MED27: variants seen among roughly 807,000 people sequenced by gnomAD.
MED27 encodes the protein mediator complex subunit 27.
Under a neutral mutation model 38.2 loss-of-function variants are expected in MED27, and 30 were observed. The ratio of observed to expected loss-of-function variants is 0.79; its 90% CI spans 0.59 to 1.07. The LOEUF (loss-of-function observed/expected upper bound fraction) is 1.07. Among genes scored for constraint, MED27 ranks in the 50% least tolerant of loss-of-function variants. The pLI, the probability that MED27 is intolerant of heterozygous loss-of-function variation, is 0.00. For synonymous variants in MED27, 122 were observed against 153.5 expected (o/e 0.79, Z 1.52); for missense variants, 289 against 397.5 (o/e 0.73, Z 2.32).
chr9:131,932,372 A>G (rs1830606047), intron 4 of MED27, among the ~76,000 whole-genome samples: 1 of 79,538 alleles, frequency 1.3e-5, no homozygotes, highest in Non-Finnish European at 2.6e-5. Flanking sequence ...CTTTAGCCAG[A>G]CTAATTAGGG....
rs1832109822 is a variant in MED27, at chr9:131,997,197, C to T, written c.479+17140G>A. On this transcript the variant is annotated intron_variant, in intron 3 of 7. Transcript: ENST00000292035. The surrounding 1 kb of genome is among the most constrained non-coding windows in gnomAD (Gnocchi z 4.0). ...CCGCTTCCGGAGAATAAAGAATTAACTTCCAGCATGCTGGAGCTTAGCCAT... is the reference window on the plus strand; with the variant it reads ...CCGCTTCCGGAGAATAAAGAATTAATTTCCAGCATGCTGGAGCTTAGCCAT... 6.6e-6 allele frequency among the ~76,000 whole-genome samples: 1 copy of T among 152,110 alleles called. No homozygotes were observed. The highest frequency in any genetic ancestry group is 2.1e-4 in the South Asian group (1 of 4,822).
In MED27 at chr9:131,880,195, C is replaced by CT. The variant is rs950676842; in HGVS notation, c.723+3862dup. On this transcript the variant is annotated intron_variant, in intron 6 of 7. Coordinates refer to ENST00000292035, the MANE Select transcript of MED27 (RefSeq NM_004269.4). ...ACAAGCTCAGTGATACAGAAACAGG[C>CT]TTTTTTTTTTTCTAACAAGATCCCA... Among the ~76,000 whole-genome samples, 1,230 of 148,002 alleles carry CT rather than the reference C, an allele frequency of 8.3e-3. 5 individuals carry two copies. Among genetic ancestry groups the CT allele is most frequent in the Admixed American group, 0.012 (172 of 14,818 alleles).
rs988000954 is a variant in MED27, at chr9:131,889,390, AT to A, written c.681+4494del. Among the ~76,000 whole-genome samples, 21 of 151,542 alleles carry A rather than the reference AT, an allele frequency of 1.4e-4. No individual in the cohort carries two copies. The highest frequency in any genetic ancestry group is 9.9e-4 in the Admixed American group (15 of 15,212). ...AAAAAGTTAAATTCGAACGAGACAC[AT>A]TTTTTTTTCAGTTAAGTCTGACTGG... On this transcript the variant is annotated intron_variant, in intron 5 of 7. Coordinates refer to ENST00000292035, the MANE Select transcript of MED27 (RefSeq NM_004269.4). The surrounding 1 kb of genome is among the most constrained non-coding windows in gnomAD (Gnocchi z 4.2).
chr9:131,949,939 T>G (rs966567825), intron 3 of MED27, among the ~76,000 whole-genome samples: 15 of 152,072 alleles, frequency 9.9e-5, no homozygotes, highest in African/African-American at 3.1e-4. Flanking sequence ...AATACTTGCT[T>G]TGCATTTTAT....
chr9:131,936,143 A>T (rs9411421), intron 4 of MED27, among the ~76,000 whole-genome samples: 46,305 of 150,596 alleles, frequency 0.31, 7,825 homozygotes, highest in Middle Eastern at 0.41. Flanking sequence ...AAAAAAAAAA[A>T]AAAAAAAGAA....
At chr9:132,013,454 C>G (rs1254808211) in intron 3 of MED27, among the ~76,000 whole-genome samples, 1 of 152,150 alleles carries the variant, frequency 6.6e-6, no homozygotes, top group African/African-American at 2.4e-5. Context: ...TGAGGAGGAA[C>G]CCTTATGGGA....
At chr9:131,936,887 G>A (rs1318036953) in intron 4 of MED27, among the ~76,000 whole-genome samples, 1 of 152,202 alleles carries the variant, frequency 6.6e-6, no homozygotes, top group African/African-American at 2.4e-5. Context: ...TACATTTGCC[G>A]AGGGAGGTAA....
intron 3 of MED27, among the ~76,000 whole-genome samples, chr9:131,960,671 A>G (rs1831196554): frequency 6.6e-6 from 1 of 152,190 alleles, no homozygotes; most frequent in Non-Finnish European, 1.5e-5. Flanking sequence ...TACCAACATG[A>G]ATAATAATGA....
At chr9:131,989,179 T>C (rs1173647145) in intron 3 of MED27, among the ~76,000 whole-genome samples, 1 of 152,184 alleles carries the variant, frequency 6.6e-6, no homozygotes, top group Non-Finnish European at 1.5e-5. Context: ...TATTTGTAGA[T>C]GAAGAAACTA....
chr9:131,884,423 G>A (rs1839102153), intron 5 of MED27, among the ~76,000 whole-genome samples: 1 of 152,102 alleles, frequency 6.6e-6, no homozygotes, highest in Non-Finnish European at 1.5e-5. Flanking sequence ...TCAATGCCAA[G>A]GTCAATGCTG....
rs1039134138 is a variant in MED27, at chr9:132,013,486, G to A, written c.479+851C>T. Among the ~76,000 whole-genome samples, 14 of 152,332 alleles carry A rather than the reference G, an allele frequency of 9.2e-5. 1 individual carries two copies. Among genetic ancestry groups the A allele is most frequent in the African/African-American group, 2.9e-4 (12 of 41,578 alleles). On this transcript the variant is annotated intron_variant, in intron 3 of 7. Transcript: ENST00000292035. ...GGGATTCTGGAAGTGGTGGCTACACGGATGTACATGAGTGTGAAAAAATCA... is the reference window on the plus strand; with the variant it reads ...GGGATTCTGGAAGTGGTGGCTACACAGATGTACATGAGTGTGAAAAAATCA...
intron 2 of MED27, among the ~76,000 whole-genome samples, chr9:132,022,026 A>T (rs1207910233): frequency 6.6e-6 from 1 of 152,246 alleles, no homozygotes; most frequent in Non-Finnish European, 1.5e-5. Context: ...ACTAAGACAC[A>T]TGGCCACTTA....
chr9:131,939,585 C>T (rs907477508), intron 3 of MED27, 111 bp from the exon 4 acceptor site: 2 of 590,962 alleles, frequency 3.4e-6, no homozygotes, highest in African/African-American at 3.9e-5. Context: ...CAATATAACA[C>T]ATTTTTAAGA....
chr9:131,929,043 G>A (rs1232528303), intron 4 of MED27, among the ~76,000 whole-genome samples: 1 of 152,222 alleles, frequency 6.6e-6, no homozygotes, highest in Non-Finnish European at 1.5e-5. Flanking sequence ...GCCACAACAG[G>A]ATAGGGCACC....
At chr9:131,994,889 A>G (rs764987252) in intron 3 of MED27, among the ~76,000 whole-genome samples, 3 of 152,144 alleles carry the variant, frequency 2.0e-5, no homozygotes, top group African/African-American at 4.8e-5. Flanking sequence ...GGAAGTGTCC[A>G]AGCTTGGTTT....
At chr9:132,027,984 T>C (rs1326329366) in intron 2 of MED27, among the ~76,000 whole-genome samples, 3 of 152,154 alleles carry the variant, frequency 2.0e-5, no homozygotes, top group Non-Finnish European at 2.9e-5. Context: ...TAGGTGCCCA[T>C]CTCTGATCTG....
chr9:131,984,122 C>T (rs10117497), intron 3 of MED27, among the ~76,000 whole-genome samples: 1 of 152,148 alleles, frequency 6.6e-6, no homozygotes, highest in Non-Finnish European at 1.5e-5. Flanking sequence ...ACTCCCTCCC[C>T]ACATTTGCTC....
At chr9:131,877,148 C>G (rs1192590582) in intron 6 of MED27, among the ~76,000 whole-genome samples, 2 of 152,210 alleles carry the variant, frequency 1.3e-5, no homozygotes, top group African/African-American at 4.8e-5. Context: ...GGACTGAGAT[C>G]TGGCCTGAGG....
At chr9:131,916,498 T>C (rs950461772) in intron 4 of MED27, among the ~76,000 whole-genome samples, 2 of 152,222 alleles carry the variant, frequency 1.3e-5, no homozygotes, top group Non-Finnish European at 2.9e-5. Context: ...ATGGCTCCAT[T>C]TGGTAAAATA....
Sources: allele counts gnomAD v4.1 joint callset (sites outside exome capture counted in the v4.1 genomes callset), GRCh38; gene constraint gnomAD v4.1.1; non-coding constraint Gnocchi (gnomAD v3.1); transcripts MANE v1.5; gene names NCBI Gene and HGNC (gene_info 2026-07-23, HGNC 2026-07-21).